Variants in ZHX2 observed in about 807,000 individuals in gnomAD.
ZHX2 encodes zinc fingers and homeoboxes protein 2.
In ZHX2, 6 loss-of-function variants were observed where a neutral mutation model predicts 21.9. That is an observed-to-expected ratio of 0.27 (90% CI 0.15 to 0.54). ZHX2 has a LOEUF of 0.54. ZHX2 is among the 20% of genes least tolerant of loss of function. The probability of loss-of-function intolerance (pLI) is 0.95; values close to 1 mark genes in which losing one functional copy is unlikely to be tolerated. For synonymous variants in ZHX2, 434 were observed against 437.1 expected, an observed-to-expected ratio of 0.99 and a Z score of 0.09; for missense variants, 908 against 1,090.7, an observed-to-expected ratio of 0.83 and a Z score of 2.36.
intron 1 of ZHX2, among the ~76,000 whole-genome samples, chr8:122,809,599 T>C (rs1447277794): frequency 1.3e-5 from 2 of 152,018 alleles, no homozygotes; most frequent in African/African-American, 4.8e-5. Flanking sequence ...AATCCCACGC[T>C]GGTATTTAGT....
At chr8:122,820,848 T>A (rs1320237278) in intron 1 of ZHX2, among the ~76,000 whole-genome samples, 1 of 152,220 alleles carries the variant, frequency 6.6e-6, no homozygotes, top group East Asian at 1.9e-4. Context: ...TCAGCCACCC[T>A]GGCTTCCAAA....
At chr8:122,962,215 G>A (rs1813473813) in intron 3 of ZHX2, among the ~76,000 whole-genome samples, 1 of 152,130 alleles carries the variant, frequency 6.6e-6, no homozygotes, top group African/African-American at 2.4e-5. Flanking sequence ...AGCTTTCGGT[G>A]CACCTATCAC....
chr8:122,939,298 C>A (rs946213115), intron 2 of ZHX2, among the ~76,000 whole-genome samples: 2 of 152,188 alleles, frequency 1.3e-5, no homozygotes, highest in Admixed American at 6.5e-5. Context: ...CTCGAAGGCA[C>A]GTCTCCCACT....
chr8:122,791,397 G>A (rs969255825), intron 1 of ZHX2, among the ~76,000 whole-genome samples: 2 of 152,124 alleles, frequency 1.3e-5, no homozygotes, highest in Non-Finnish European at 2.9e-5. Context: ...AGCTGATTGG[G>A]AGCCCTGCCT....
chr8:122,903,354 A>C (rs188289812), intron 2 of ZHX2, among the ~76,000 whole-genome samples: 41 of 152,300 alleles, frequency 2.7e-4, no homozygotes, highest in African/African-American at 8.7e-4. Context: ...ATGCTGTGAG[A>C]CAAAGAAGTA....
In ZHX2 at chr8:122,951,435, C is replaced by A; in HGVS notation, c.-76C>A. 3.7e-6 allele frequency: 5 copies of A among 1,343,600 alleles called. No individual in the cohort carries two copies. In the South Asian group the frequency reaches 7.1e-5, roughly 19 times the overall value. 83.2% of individuals were successfully genotyped at this position (1,343,600 alleles called of 1,614,324 possible). On this transcript the variant is annotated 5_prime_UTR_variant, in exon 3 of 4. Coordinates refer to ENST00000314393, the MANE Select transcript of ZHX2 (RefSeq NM_014943.5). ...GGGAATAAAGCCAAAAGCCTTTCAC[C>A]TTATTCGTTCCAAGAATCTCACCGC...
At chr8:122,850,569 G>A (rs941631438) in intron 1 of ZHX2, among the ~76,000 whole-genome samples, 4 of 150,640 alleles carry the variant, frequency 2.7e-5, no homozygotes, top group Non-Finnish European at 2.9e-5. Context: ...GAGCCTAGGA[G>A]GCAGAGGTTG....
At chr8:122,946,910 T>G (rs146186175) in intron 2 of ZHX2, among the ~76,000 whole-genome samples, 1 of 151,928 alleles carries the variant, frequency 6.6e-6, no homozygotes, top group Non-Finnish European at 1.5e-5. Context: ...CACAGGAGAT[T>G]TTAGCATACC....
chr8:122,832,725 G>A (rs1387489163), intron 1 of ZHX2, among the ~76,000 whole-genome samples: 1 of 152,174 alleles, frequency 6.6e-6, no homozygotes, highest in African/African-American at 2.4e-5. Context: ...TTAGTTTGCG[G>A]AGGCGGGAGG....
intron 1 of ZHX2, among the ~76,000 whole-genome samples, chr8:122,857,995 G>A (rs1163126814): frequency 6.6e-6 from 1 of 152,224 alleles, no homozygotes; most frequent in East Asian, 1.9e-4. Context: ...CTGAGTGAAA[G>A]GCTACTGTTA....
intron 1 of ZHX2, among the ~76,000 whole-genome samples, chr8:122,793,290 C>T (rs1329333883): frequency 2.6e-5 from 4 of 152,194 alleles, no homozygotes; most frequent in African/African-American, 9.7e-5. Context: ...CACCCAGGGA[C>T]CAGGAAGTGG....
chr8:122,879,164 G>C (rs1022553343), intron 2 of ZHX2, among the ~76,000 whole-genome samples: 6 of 152,184 alleles, frequency 3.9e-5, no homozygotes, highest in African/African-American at 1.2e-4. Context: ...CCTAGAAATG[G>C]AGGTCAAATG....
At chr8:122,824,328 A>G (rs764161960) in intron 1 of ZHX2, among the ~76,000 whole-genome samples, 1 of 152,226 alleles carries the variant, frequency 6.6e-6, no homozygotes, top group East Asian at 1.9e-4. Flanking sequence ...AGCCTGTCCC[A>G]TGCACCACTG....
At chr8:122,918,021 ACT>A (rs1820645859) in intron 2 of ZHX2, among the ~76,000 whole-genome samples, 1 of 151,986 alleles carries the variant, frequency 6.6e-6, no homozygotes, top group Non-Finnish European at 1.5e-5. Flanking sequence ...AGCCCTCAAG[ACT>A]CTGCTACTCT....
At chr8:122,858,858 C>T (rs1819098698) in intron 1 of ZHX2, among the ~76,000 whole-genome samples, 1 of 152,148 alleles carries the variant, frequency 6.6e-6, no homozygotes, top group Non-Finnish European at 1.5e-5. Flanking sequence ...CCAGGCTGGT[C>T]TCAAACTCCT....
In ZHX2 at chr8:122,946,070, C is replaced by G. The variant is rs149608323; in HGVS notation, c.-219-5222C>G. On this transcript the variant is annotated intron_variant, in intron 2 of 3. Coordinates refer to ENST00000314393, the MANE Select transcript of ZHX2 (RefSeq NM_014943.5). ...GCAACAGGTCTGCTGGGACACGCAC[C>G]ACTCGCTATGGAAGGGACTGTGTTA... is the stretch of plus-strand genomic sequence containing the variant. Among the ~76,000 whole-genome samples the G allele has an allele frequency of 2.0e-3, 312 of 152,354 alleles. 1 individual carries two copies. Among genetic ancestry groups the G allele is most frequent in the African/African-American group, 6.3e-3 (260 of 41,578 alleles).
intron 1 of ZHX2, among the ~76,000 whole-genome samples, chr8:122,832,405 G>T (rs1386706275): frequency 6.6e-6 from 1 of 152,214 alleles, no homozygotes; most frequent in African/African-American, 2.4e-5. Context: ...GTGGCTTCAA[G>T]CTGTTTGGAG....
intron 1 of ZHX2, among the ~76,000 whole-genome samples, chr8:122,791,098 G>T (rs1350849243): frequency 6.6e-6 from 1 of 152,196 alleles, no homozygotes; most frequent in Non-Finnish European, 1.5e-5. Flanking sequence ...CCTCCTCCAT[G>T]GATTAGAACC....
chr8:122,875,550 T>G (rs184984690), intron 2 of ZHX2, among the ~76,000 whole-genome samples: 2 of 152,196 alleles, frequency 1.3e-5, no homozygotes, highest in African/African-American at 4.8e-5. Flanking sequence ...GTGGTGACTT[T>G]CATAAGATTT....
Sources: gnomAD v4.1 joint callset for allele counts (sites outside exome capture counted in the v4.1 genomes callset) on GRCh38, gnomAD v4.1.1 for gene constraint, MANE v1.5 for transcripts, NCBI Gene and HGNC (gene_info 2026-07-23, HGNC 2026-07-21) for gene names.